GATAD2B: variants seen among roughly 807,000 people sequenced by gnomAD.
The protein encoded by GATAD2B is GATA zinc finger domain containing 2B, also known as transcriptional repressor p66-beta.
GATAD2B carries 8 observed loss-of-function variants against 64.3 expected under a neutral mutation model. That is an observed-to-expected ratio of 0.12 (90% CI 0.07 to 0.22). The LOEUF (loss-of-function observed/expected upper bound fraction) is 0.22, where lower values mean the gene tolerates loss of function less well. Among genes scored for constraint, GATAD2B ranks in the 10% least tolerant of loss-of-function variants. The pLI is 1.00. For synonymous variants in GATAD2B, 281 were observed against 271.3 expected, an observed-to-expected ratio of 1.04 and a Z score of -0.35; for missense variants, 453 against 752.0, an observed-to-expected ratio of 0.60 and a Z score of 4.65.
chr1:153,846,083 C>T (rs1383271217), intron 1 of GATAD2B, among the ~76,000 whole-genome samples: 1 of 151,998 alleles, frequency 6.6e-6, no homozygotes, highest in Non-Finnish European at 1.5e-5. Flanking sequence ...ATTTCTACAC[C>T]TTTATGTTTT....
At chr1:153,900,618 C>G (rs1677738018) in intron 1 of GATAD2B, among the ~76,000 whole-genome samples, 1 of 152,102 alleles carries the variant, frequency 6.6e-6, no homozygotes, top group African/African-American at 2.4e-5. Flanking sequence ...TGGGTTCAAT[C>G]AACCCTTCCA....
At chr1:153,902,079 G>A (rs978905812) in intron 1 of GATAD2B, among the ~76,000 whole-genome samples, 1 of 151,474 alleles carries the variant, frequency 6.6e-6, no homozygotes, top group Non-Finnish European at 1.5e-5. Context: ...TCAGGAGTTC[G>A]AGACCAGCCT....
At chr1:153,894,629 G>C (rs1338798604) in intron 1 of GATAD2B, among the ~76,000 whole-genome samples, 1 of 151,718 alleles carries the variant, frequency 6.6e-6, no homozygotes, top group Non-Finnish European at 1.5e-5. Flanking sequence ...TTGGGAGGCC[G>C]AGACAGGCAG....
intron 1 of GATAD2B, among the ~76,000 whole-genome samples, chr1:153,838,045 G>C (rs969311648): frequency 1.3e-5 from 2 of 152,136 alleles, no homozygotes; most frequent in Admixed American, 6.5e-5. Context: ...AAGCTACTAA[G>C]TAGGTAGTAT....
chr1:153,912,673 TA>T (rs1475260042), intron 1 of GATAD2B, among the ~76,000 whole-genome samples: 2 of 152,194 alleles, frequency 1.3e-5, no homozygotes, highest in East Asian at 1.9e-4. Flanking sequence ...CACCCCTCCT[TA>T]AAAAATGTTA....
chr1:153,922,395 G>T (rs1211935149), intron 1 of GATAD2B, among the ~76,000 whole-genome samples: 1 of 151,454 alleles, frequency 6.6e-6, no homozygotes, highest in Non-Finnish European at 1.5e-5. Flanking sequence ...CGTGAGGGAG[G>T]GGAGAAAGAG....
At chr1:153,856,105 C>A (rs1385621412) in intron 1 of GATAD2B, among the ~76,000 whole-genome samples, 1 of 152,198 alleles carries the variant, frequency 6.6e-6, no homozygotes, top group Non-Finnish European at 1.5e-5. Context: ...CAGGCCTACT[C>A]CTCTGACTGC....
intron 1 of GATAD2B, among the ~76,000 whole-genome samples, chr1:153,870,130 T>A (rs945154336): frequency 5.9e-5 from 9 of 152,128 alleles, no homozygotes; most frequent in African/African-American, 2.2e-4. Flanking sequence ...TTTGTATTTT[T>A]AGTAGAGATA....
chr1:153,815,706 T>TA (rs1674456434), intron 7 of GATAD2B, among the ~76,000 whole-genome samples: 3 of 150,862 alleles, frequency 2.0e-5, no homozygotes, highest in African/African-American at 7.3e-5. Flanking sequence ...ATAGAATAGA[T>TA]AGATTAGATA....
intron 1 of GATAD2B, among the ~76,000 whole-genome samples, chr1:153,858,846 T>C (rs542133063): frequency 1.3e-5 from 2 of 152,170 alleles, no homozygotes; most frequent in East Asian, 3.9e-4. Context: ...AGAGTGGTGT[T>C]AGGGTAGGGG....
At chr1:153,909,090 A>G (rs1388065090) in intron 1 of GATAD2B, among the ~76,000 whole-genome samples, 1 of 152,154 alleles carries the variant, frequency 6.6e-6, no homozygotes, top group Non-Finnish European at 1.5e-5. Flanking sequence ...CTGTGGTCTC[A>G]GCTACTTGGG....
At chr1:153,811,035 G>A (rs1000507190) in intron 10 of GATAD2B, among the ~76,000 whole-genome samples, 1 of 152,126 alleles carries the variant, frequency 6.6e-6, no homozygotes, top group African/African-American at 2.4e-5. Flanking sequence ...AAAGTGCTGG[G>A]ATTATAGGCA....
rs1467371845 is a variant in GATAD2B at position 153,807,010 on chromosome 1, G to A, written c.*3167C>T. 3 of 152,140 alleles carry A rather than the reference G, an allele frequency of 2.0e-5. No homozygotes were observed. The highest frequency in any genetic ancestry group is 1.3e-4 in the Admixed American group (2 of 15,268). The allele number at this position is 152,140 out of a possible 1,614,324, so 9.4% of individuals were successfully genotyped here. On this transcript the variant is annotated 3_prime_UTR_variant, in exon 11 of 11. Transcript: ENST00000368655. ...AAATGTGGGAAAAATACTTATTCCA[G>A]GGAGAGAGGGAGTTCAGATGCTGTG... is the stretch of plus-strand genomic sequence containing the variant.
At chr1:153,905,897 C>A (rs1041524089) in intron 1 of GATAD2B, among the ~76,000 whole-genome samples, 18 of 148,476 alleles carry the variant, frequency 1.2e-4, no homozygotes, top group Non-Finnish European at 2.4e-4. Context: ...TGAAACCCTA[C>A]CTCTACTAAA....
chr1:153,834,721 G>A (rs1675208496), intron 1 of GATAD2B, among the ~76,000 whole-genome samples: 2 of 152,198 alleles, frequency 1.3e-5, no homozygotes, highest in African/African-American at 2.4e-5. Flanking sequence ...GAATTTGAAA[G>A]AAGTTGATTA....
intron 2 of GATAD2B, among the ~76,000 whole-genome samples, chr1:153,821,587 G>A (rs1674685435): frequency 6.6e-6 from 1 of 151,880 alleles, no homozygotes; most frequent in Admixed American, 6.6e-5. Flanking sequence ...TTTTTTTTGA[G>A]ATGGATTCTG....
intron 1 of GATAD2B, among the ~76,000 whole-genome samples, chr1:153,896,489 T>G (rs1421409438): frequency 2.1e-5 from 3 of 145,480 alleles, no homozygotes; most frequent in East Asian, 4.0e-4. Flanking sequence ...CAGGCTGGAG[T>G]GCAATGGCAT....
At chr1:153,904,541 T>C (rs1677869984) in intron 1 of GATAD2B, among the ~76,000 whole-genome samples, 1 of 152,090 alleles carries the variant, frequency 6.6e-6, no homozygotes, top group Admixed American at 6.6e-5. Flanking sequence ...ACATAATTTT[T>C]CTTTTTGTTT....
At chr1:153,869,047 C>G (rs1273807811) in intron 1 of GATAD2B, among the ~76,000 whole-genome samples, 1 of 152,170 alleles carries the variant, frequency 6.6e-6, no homozygotes, top group African/African-American at 2.4e-5. Context: ...AATCCCAGCA[C>G]TTTGGGAGGT....
Sources: allele counts gnomAD v4.1 joint callset (sites outside exome capture counted in the v4.1 genomes callset), GRCh38; gene constraint gnomAD v4.1.1; transcripts MANE v1.5; gene names NCBI Gene and HGNC (gene_info 2026-07-23, HGNC 2026-07-21).